The following KIF19 variants were observed in gnomAD, a reference collection of about 807,000 sequenced individuals.
KIF19 encodes kinesin family member 19.
In KIF19, 98 loss-of-function variants were observed where a neutral mutation model predicts 106.6. That is an observed-to-expected ratio of 0.92 (90% confidence interval 0.78 to 1.09). KIF19 has a LOEUF of 1.09. Among genes scored for constraint, KIF19 ranks in the 50% least tolerant of loss-of-function variants. KIF19 has a pLI of 0.00. For synonymous variants in KIF19, 516 were observed against 584.2 expected (o/e 0.88, Z 1.68); for missense variants, 1,373 against 1,414.3 (o/e 0.97, Z 0.47).
intron 2 of KIF19, chr17:74,329,470 A>G (rs1247901387): frequency 2.0e-5 from 3 of 150,414 alleles, no homozygotes; most frequent in Non-Finnish European, 3.0e-5. Context: ...AAAAAGAGAA[A>G]AAAAAAAAAA....
chr17:74,344,360 G>A lies in KIF19; in HGVS notation c.582+12G>A, dbSNP rs2054470513. On this transcript the variant is annotated intron_variant, in intron 6 of 19. Coordinates refer to ENST00000389916, the MANE Select transcript of KIF19 (RefSeq NM_153209.4). ...TCAATGCCAAGGAGGCGAGTTTTGT[G>A]TGGCCAGCCTGGAGCCGCTGAGAGG... 6.2e-7 allele frequency: 1 copy of A among 1,610,884 alleles called. No individual in the cohort carries two copies. The highest frequency in any genetic ancestry group is 8.5e-7 in the Non-Finnish European group (1 of 1,179,100).
chr17:74,341,849 G>A lies in KIF19; in HGVS notation c.121-27G>A, dbSNP rs777672549. 2.1e-5 allele frequency: 33 copies of A among 1,559,836 alleles called. 1 individual carries two copies. Among genetic ancestry groups the A allele is most frequent in the Middle Eastern group, 3.3e-4 (2 of 5,986 alleles). ...CAGGGCCCGGGGTTCCCAGGTGACC[G>A]TGGGCCTCCCTCTGGGGACCTTGCA... On this transcript the variant is annotated intron_variant, in intron 2 of 19. Coordinates refer to ENST00000389916, the MANE Select transcript of KIF19 (RefSeq NM_153209.4).
In KIF19 at chr17:74,343,039, A is replaced by G. The variant is rs1474720667; in HGVS notation, c.335A>G (p.Tyr112Cys). 6.2e-7 allele frequency: 1 copy of G among 1,609,270 alleles called. No individual in the cohort carries two copies. The highest frequency in any genetic ancestry group is 1.3e-5 in the African/African-American group (1 of 74,794). Residue 112 changes from tyrosine (Y) to cysteine (C), a missense_variant, in exon 5 of 20, where the codon TAC (tyrosine) becomes TGC (cysteine). Physicochemically the swap from Tyr to Cys is radical, Grantham distance 194. Around this residue, in one of 3 missense-constraint regions of KIF19, gnomAD observed 348 missense variants for 389.5 expected, o/e 0.89. Transcript: ENST00000389916. ...TCTGCCCCAGGCTGTGGGAAAACCTACACCATGCTGGGCACAGACCAGGAG... is the reference window on the plus strand; with the variant it reads ...TCTGCCCCAGGCTGTGGGAAAACCTGCACCATGCTGGGCACAGACCAGGAG... ...AYGPTGCGKT[Y>C]TMLGTDQEPG...
In KIF19 at chr17:74,344,823, G is replaced by C; in HGVS notation, c.645G>C (p.Gln215His). The change falls in exon 7 of 20, where the codon CAG becomes CAC. Residue 215 changes from glutamine to histidine, a missense_variant. Gln to His is a conservative substitution (Grantham distance 24). Transcript: ENST00000389916. ...QRTQEPTAAN[Q>H]TSSRSHAVLQ... ...CCCAGGAGCCCACGGCCGCCAACCA[G>C]ACGTCCTCCCGCTCCCACGCGGTAC... The C allele has an allele frequency of 6.2e-7, 1 of 1,612,464 alleles. No individual in the cohort carries two copies. The highest frequency in any genetic ancestry group is 1.1e-5 in the South Asian group (1 of 91,062).
At chr17:74,342,777 C>A in intron 4 of KIF19, 60 bp downstream of exon 4, 1 of 1,490,776 alleles carries the variant, frequency 6.7e-7, no homozygotes, top group Non-Finnish European at 9.4e-7. Context: ...CCCCGTCACC[C>A]TCCAACTAGT....
chr17:74,331,109 AC>A lies in KIF19; in HGVS notation c.120+2611del, dbSNP rs1025214990. Among the ~76,000 whole-genome samples the A allele has an allele frequency of 6.6e-6, 1 of 151,170 alleles. No homozygotes were observed. Among genetic ancestry groups the A allele is most frequent in the Non-Finnish European group, 1.5e-5 (1 of 67,810 alleles). ...AACCCAGGAAGCAAAATGCACATGG[AC>A]CCCCCCTTACCCTTGTCCCCGACCT... On this transcript the variant is annotated intron_variant, in intron 2 of 19. Coordinates refer to ENST00000389916, the MANE Select transcript of KIF19 (RefSeq NM_153209.4). This position sits in a 1 kb window ranked among gnomAD's most constrained non-coding sequence, Gnocchi z 4.1.
chr17:74,330,040 T>C (rs2054033206), intron 2 of KIF19, among the ~76,000 whole-genome samples: 1 of 152,216 alleles, frequency 6.6e-6, no homozygotes. Context: ...TCAGCAGTGA[T>C]GATGGAACTG....
In KIF19 at chr17:74,328,718, C is replaced by G. The variant is rs73362526; in HGVS notation, c.120+213C>G. The G allele has an allele frequency of 3.5e-3, 1,820 of 513,562 alleles. 31 individuals carry two copies. The highest frequency in any genetic ancestry group is 0.031 in the African/African-American group (1,623 of 51,730). 31.8% of individuals were successfully genotyped at this position (513,562 alleles called of 1,614,324 possible). On this transcript the variant is annotated intron_variant, in intron 2 of 19. Coordinates refer to ENST00000389916, the MANE Select transcript of KIF19 (RefSeq NM_153209.4). ...AGATTGATCCAAGGACAACTGGGAG[C>G]TTCCCTAGCCTGGGTGGGCCCTGAT...
Position 74,349,757 on chromosome 17 carries a change from T to TA in KIF19, c.1213+417dup, listed in dbSNP as rs889939159. On this transcript the variant is annotated intron_variant, in intron 10 of 19. Transcript: ENST00000389916. ...TTCCAACAGACAGTAAAGCTTTTTT[T>TA]AAAAAAAAATTTACTAATATAAAGA... Among the ~76,000 whole-genome samples the TA allele has an allele frequency of 7.5e-4, 113 of 151,562 alleles. 1 individual carries two copies. The highest frequency in any genetic ancestry group is 2.4e-3 in the African/African-American group (101 of 41,352).
At chr17:74,330,186 C>A (rs1325456767) in intron 2 of KIF19, among the ~76,000 whole-genome samples, 1 of 152,146 alleles carries the variant, frequency 6.6e-6, no homozygotes, top group Non-Finnish European at 1.5e-5. Context: ...TGGGTCAGAC[C>A]CAGCTGGAGC....
intron 1 of KIF19, among the ~76,000 whole-genome samples, chr17:74,327,419 T>G (rs2053943906): frequency 6.6e-6 from 1 of 152,248 alleles, no homozygotes; most frequent in African/African-American, 2.4e-5. Flanking sequence ...TGGCTGAAGA[T>G]GCCACTAAAG....
At position 74,347,846 on chromosome 17, in the gene KIF19, G is replaced by T; in HGVS notation, c.994G>T (p.Glu332Ter). The T allele has an allele frequency of 6.3e-7, 1 of 1,586,754 alleles. No individual in the cohort carries two copies. The highest frequency in any genetic ancestry group is 1.3e-5 in the African/African-American group (1 of 74,402). ...HISPASSAFE[E>*]SRNTLTYAGR... is the part of the protein sequence containing the mutation. ...CAGTCCTGCGAGCAGTGCCTTCGAG[G>T]AGTCCCGGAACACCCTGACCTACGC... Residue 332 changes from glutamate (E) to a stop codon, truncating the protein, a stop_gained, in exon 9 of 20, where the codon GAG becomes TAG. Coordinates refer to ENST00000389916, the MANE Select transcript of KIF19 (RefSeq NM_153209.4). LOFTEE classifies it high-confidence loss of function.
chr17:74,342,109 T>G (rs2054394330), intron 3 of KIF19, 123 bp downstream of exon 3: 11 of 703,206 alleles, frequency 1.6e-5, no homozygotes, highest in Non-Finnish European at 2.5e-5. Flanking sequence ...GCTCACCCTC[T>G]GTTCCTTGAG....
rs1308156365 is a variant in KIF19, at chr17:74,346,657, G to A, written c.924+133G>A. The stretch of plus-strand genomic sequence containing the variant: ...GCAAAATTTATTTTAGCGTAAATAT[G>A]TCCCATGAAATATTTGGGATATTCT... On this transcript the variant is annotated intron_variant, in intron 8 of 19. Coordinates refer to ENST00000389916, the MANE Select transcript of KIF19 (RefSeq NM_153209.4). The surrounding 1 kb of genome is among the most constrained non-coding windows in gnomAD (Gnocchi z 4.6). 3 of 785,298 alleles carry A rather than the reference G, an allele frequency of 3.8e-6. No homozygotes were observed. Among genetic ancestry groups the A allele is most frequent in the Admixed American group, 5.7e-5 (2 of 34,920 alleles). 48.6% of individuals were successfully genotyped at this position (785,298 alleles called of 1,614,324 possible).
At position 74,328,478 on chromosome 17, in the gene KIF19, C is replaced by T; in HGVS notation, c.93C>T (p.Thr31=). The T allele has an allele frequency of 6.2e-7, 1 of 1,609,656 alleles. No homozygotes were observed. The highest frequency in any genetic ancestry group is 1.3e-5 in the African/African-American group (1 of 74,980). ...ISVAELEEGA[T]LIAHKVDEQM... is the part of the protein sequence containing the mutation. ...TGGCAGAGCTGGAGGAAGGAGCTAC[C>T]CTCATCGCCCATAAAGTGGATGAGC... Residue 31 remains threonine, a synonymous_variant, in exon 2 of 20, where the codon ACC becomes ACT. Coordinates refer to ENST00000389916, the MANE Select transcript of KIF19 (RefSeq NM_153209.4).
At chr17:74,351,804 G>A (rs1234686586) in intron 12 of KIF19, 63 bp from the exon 13 acceptor site, 8 of 1,361,940 alleles carry the variant, frequency 5.9e-6, no homozygotes, top group Non-Finnish European at 7.5e-6. Flanking sequence ...GGTCGAGGAC[G>A]AGCTGGGCAG....
chr17:74,336,172 G>A (rs2054215932), intron 2 of KIF19, among the ~76,000 whole-genome samples: 1 of 152,154 alleles, frequency 6.6e-6, no homozygotes, highest in African/African-American at 2.4e-5. Flanking sequence ...GGGTTCAAGA[G>A]ATTCTCATGC....
rs760774402 is a variant in KIF19, at chr17:74,354,417, C to T, written c.2564C>T (p.Ser855Phe). ...TCCAGCAGCACGGGCGAGGCCCCGT[C>T]CCGGGCAGTCGGACATCATGGGGAC... ...NLSSSTGEAP[S>F]RAVGHHGDGP... is the part of the protein sequence containing the mutation. The change falls in exon 18 of 20, where the codon TCC becomes TTC. Residue 855 changes from serine to phenylalanine, a missense_variant. Physicochemically the swap from Ser to Phe is radical, Grantham distance 155. Transcript: ENST00000389916. The T allele has an allele frequency of 1.9e-6, 3 of 1,611,282 alleles. No homozygotes were observed. In the East Asian group the frequency reaches 6.7e-5, roughly 36 times the overall value.
intron 14 of KIF19, 25 bp downstream of exon 14, chr17:74,352,365 A>T (rs1232336785): frequency 8.2e-6 from 13 of 1,593,056 alleles, no homozygotes; most frequent in Non-Finnish European, 1.1e-5. Flanking sequence ...GGGCGGCCTG[A>T]ACATGGGCAC....
Sources: allele counts gnomAD v4.1 joint callset (sites outside exome capture counted in the v4.1 genomes callset), GRCh38; gene constraint gnomAD v4.1.1; regional missense constraint gnomAD v4.1.1; non-coding constraint Gnocchi (gnomAD v3.1); transcripts MANE v1.5; gene names NCBI Gene and HGNC (gene_info 2026-07-23, HGNC 2026-07-21).